PRKCZ: variants seen among roughly 807,000 people sequenced by gnomAD.
The protein encoded by PRKCZ is protein kinase C zeta.
Under a neutral mutation model 79.5 loss-of-function variants are expected in PRKCZ, and 33 were observed. That is an observed-to-expected ratio of 0.41 (90% CI 0.31 to 0.55). The LOEUF (loss-of-function observed/expected upper bound fraction) is 0.55. Ranked by LOEUF, PRKCZ falls within the 20% of genes least tolerant of loss-of-function variation. PRKCZ has a pLI of 0.19. For synonymous variants in PRKCZ, 342 were observed against 320.9 expected, an observed-to-expected ratio of 1.07 and a Z score of -0.70; for missense variants, 578 against 813.5, an observed-to-expected ratio of 0.71 and a Z score of 3.52.
chr1:2,135,456 G>A, intron 5 of PRKCZ, 109 bp downstream of exon 5: 2 of 970,432 alleles, frequency 2.1e-6, no homozygotes, highest in Non-Finnish European at 3.0e-6. Flanking sequence ...GGCTCTTTTT[G>A]GCGCCCGAGG....
intron 4 of PRKCZ, among the ~76,000 whole-genome samples, chr1:2,063,600 A>G (rs1660879938): frequency 1.3e-5 from 2 of 152,194 alleles, no homozygotes; most frequent in South Asian, 4.1e-4. Context: ...GGCGTGAGCC[A>G]CTGCACCTGG....
chr1:2,180,423 GAC>G (rs1009433998), intron 16 of PRKCZ, among the ~76,000 whole-genome samples: 33 of 152,218 alleles, frequency 2.2e-4, no homozygotes, highest in African/African-American at 7.9e-4. Context: ...GGACGACGTA[GAC>G]ACACGGATGA....
At position 2,117,560 on chromosome 1, in the gene PRKCZ, T is replaced by C. The variant is rs74315944; in HGVS notation, c.335-17702T>C. Among the ~76,000 whole-genome samples the C allele has an allele frequency of 6.7e-3, 1,020 of 152,264 alleles. 47 individuals are homozygous for C. The East Asian group carries it at 0.13, about 19-fold the overall frequency. On this transcript the variant is annotated intron_variant, in intron 4 of 17. Coordinates refer to ENST00000378567, the MANE Select transcript of PRKCZ (RefSeq NM_002744.6). ...ATGTTGCCTTGTTACCCTGGCACTG[T>C]TGATCCTTCCAAAACAGTATGGGAC...
At chr1:2,089,473 C>T (rs1557532071) in intron 4 of PRKCZ, among the ~76,000 whole-genome samples, 3 of 152,172 alleles carry the variant, frequency 2.0e-5, no homozygotes, top group Non-Finnish European at 4.4e-5. Context: ...GCTCGAGATG[C>T]TGAAGGCGGG....
intron 4 of PRKCZ, among the ~76,000 whole-genome samples, chr1:2,092,579 A>G (rs978948801): frequency 1.3e-5 from 2 of 151,964 alleles, no homozygotes; most frequent in Non-Finnish European, 2.9e-5. Context: ...GGTGGACTTG[A>G]AGCTCCGTGG....
intron 2 of PRKCZ, among the ~76,000 whole-genome samples, chr1:2,056,047 T>C (rs1660126853): frequency 6.6e-6 from 1 of 152,238 alleles, no homozygotes; most frequent in Non-Finnish European, 1.5e-5. Context: ...CGGGCAGCTC[T>C]TGGCCAAGGA....
At chr1:2,107,262 C>T (rs961744832) in intron 4 of PRKCZ, among the ~76,000 whole-genome samples, 8 of 152,200 alleles carry the variant, frequency 5.3e-5, no homozygotes, top group African/African-American at 9.6e-5. Context: ...GTGCGGAGGC[C>T]GCCCCTCTCC....
intron 4 of PRKCZ, among the ~76,000 whole-genome samples, chr1:2,118,511 A>G (rs754836973): frequency 1.2e-4 from 18 of 150,836 alleles, no homozygotes; most frequent in African/African-American, 3.4e-4. Context: ...CTAATTTTTT[A>G]TATTTTTAGT....
intron 5 of PRKCZ, 112 bp from the exon 6 acceptor site, chr1:2,144,097 GT>G: frequency 7.0e-7 from 1 of 1,426,890 alleles, no homozygotes; most frequent in Non-Finnish European, 9.4e-7. Flanking sequence ...GGGGCCACCT[GT>G]TGCCCGGCTC....
intron 4 of PRKCZ, among the ~76,000 whole-genome samples, chr1:2,084,360 G>A (rs557525636): frequency 1.3e-5 from 2 of 152,286 alleles, no homozygotes; most frequent in South Asian, 4.1e-4. Context: ...CGAGTGTGAA[G>A]AAGGCAGGTG....
At chr1:2,105,279 A>T (rs567785098) in intron 4 of PRKCZ, among the ~76,000 whole-genome samples, 16 of 152,302 alleles carry the variant, frequency 1.1e-4, no homozygotes, top group Admixed American at 9.8e-4. Context: ...GAGGGCCTGC[A>T]GGGTGTTTGT....
At position 2,054,542 on chromosome 1, in the gene PRKCZ, A is replaced by C. The variant is rs1659976030; in HGVS notation, c.72-899A>C. Among the ~76,000 whole-genome samples, 4 of 151,812 alleles carry C rather than the reference A, an allele frequency of 2.6e-5. No individual in the cohort carries two copies. The South Asian group carries it at 8.3e-4, about 32-fold the overall frequency. ...GTCCTGTCTGGGGCTGAAAAGATAA[A>C]ACACACTGACTCTGTGTGACTCGGT... On this transcript the variant is annotated intron_variant, in intron 1 of 17. Transcript: ENST00000378567.
chr1:2,059,086 T>C (rs755349055), intron 3 of PRKCZ, among the ~76,000 whole-genome samples: 2 of 152,184 alleles, frequency 1.3e-5, no homozygotes, highest in Non-Finnish European at 2.9e-5. Flanking sequence ...TGAGCCATCA[T>C]GTCCAGCCAA....
At chr1:2,085,381 A>C (rs1664309752) in intron 4 of PRKCZ, among the ~76,000 whole-genome samples, 1 of 152,204 alleles carries the variant, frequency 6.6e-6, no homozygotes, top group East Asian at 1.9e-4. Context: ...CAGCCTGTTG[A>C]CCATCTTACT....
At chr1:2,059,723 G>A (rs1878747) in intron 4 of PRKCZ, 132 bp downstream of exon 4, 257,592 of 1,209,128 alleles carry the variant, frequency 0.21, 39,915 homozygotes, top group African/African-American at 0.71. Flanking sequence ...AGGAGCAGCC[G>A]TGGTGACCGC....
intron 10 of PRKCZ, among the ~76,000 whole-genome samples, chr1:2,159,272 C>T (rs1207863438): frequency 2.0e-5 from 3 of 152,354 alleles, no homozygotes; most frequent in Non-Finnish European, 4.4e-5. Context: ...GTCCGGGTGG[C>T]GGAAAAGTCT....
chr1:2,076,603 G>C (rs577554234), intron 4 of PRKCZ, among the ~76,000 whole-genome samples: 1 of 152,084 alleles, frequency 6.6e-6, no homozygotes, highest in African/African-American at 2.4e-5. Context: ...TTAGCTGGGC[G>C]TGGTGGTGAG....
chr1:2,095,678 G>T lies in PRKCZ; in HGVS notation c.334+36087G>T, dbSNP rs371423747. Among the ~76,000 whole-genome samples, 3 of 151,778 alleles carry T rather than the reference G, an allele frequency of 2.0e-5. No individual in the cohort carries two copies. In the East Asian group the frequency reaches 5.9e-4, roughly 30 times the overall value. On this transcript the variant is annotated intron_variant, in intron 4 of 17. Coordinates refer to ENST00000378567, the MANE Select transcript of PRKCZ (RefSeq NM_002744.6). ...GGCATGGGCTCACGTCCGTGTGCTT[G>T]TCCAGCCTCCACTCGCCACAGCTCC...
In PRKCZ at chr1:2,097,651, A is replaced by C. The variant is rs542232230; in HGVS notation, c.335-37611A>C. On this transcript the variant is annotated intron_variant, in intron 4 of 17. Transcript: ENST00000378567. ...CCCATGTTGTGTGCACCCCCAGCCC[A>C]TGCACCCCGGAAGGCACGCCTCGCA... Among the ~76,000 whole-genome samples the C allele has an allele frequency of 4.6e-5, 7 of 151,980 alleles. No homozygotes were observed. The East Asian group carries it at 9.7e-4, about 21-fold the overall frequency.
Sources: allele counts gnomAD v4.1 joint callset (sites outside exome capture counted in the v4.1 genomes callset), GRCh38; gene constraint gnomAD v4.1.1; transcripts MANE v1.5; gene names NCBI Gene and HGNC (gene_info 2026-07-23, HGNC 2026-07-21).